Variants in FHIT observed in about 807,000 individuals in gnomAD.
FHIT encodes bis(5'-adenosyl)-triphosphatase.
FHIT carries 19 observed loss-of-function variants against 17.9 expected under a neutral mutation model. That is an observed-to-expected ratio of 1.06 (90% CI 0.74 to 1.56). The LOEUF (loss-of-function observed/expected upper bound fraction) is 1.56, where lower values mean the gene tolerates loss of function less well. Among genes scored for constraint, FHIT ranks in the 40% most tolerant of loss-of-function variants. The pLI is 0.00. For missense variants in FHIT, 248 were observed against 189.2 expected (o/e 1.31, Z -1.82); for synonymous variants, 81 against 69.7 (o/e 1.16, Z -0.81).
chr3:60,556,711 G>T (rs1462230259), intron 4 of FHIT, among the ~76,000 whole-genome samples: 1 of 152,214 alleles, frequency 6.6e-6, no homozygotes, highest in African/African-American at 2.4e-5. Context: ...TTTTGGAATA[G>T]CAACACCCTG....
At position 60,261,853 on chromosome 3, in the gene FHIT, T is replaced by C. The variant is rs1381470718; in HGVS notation, c.104-247701A>G. ...ACTCCCATTTCAGAGGTTCTCTCAC[T>C]GTACCTGGAGAAAAGGAACATCTCT... is the stretch of plus-strand genomic sequence containing the variant. On this transcript the variant is annotated intron_variant, in intron 5 of 9. Coordinates refer to ENST00000492590, the MANE Select transcript of FHIT (RefSeq NM_002012.4). 2.6e-5 allele frequency among the ~76,000 whole-genome samples: 4 copies of C among 151,978 alleles called. No homozygotes were observed. The East Asian group carries it at 7.7e-4, about 29-fold the overall frequency.
At chr3:60,975,327 T>C (rs1409706009) in intron 3 of FHIT, among the ~76,000 whole-genome samples, 1 of 152,162 alleles carries the variant, frequency 6.6e-6, no homozygotes, top group African/African-American at 2.4e-5. Context: ...TCATGGTAAC[T>C]GAAAAGCCAT....
chr3:60,034,203 T>C (rs781026806), intron 5 of FHIT, among the ~76,000 whole-genome samples: 173 of 152,346 alleles, frequency 1.1e-3, no homozygotes, highest in Admixed American at 4.4e-3. Context: ...TCAAGGTGAA[T>C]GGCTTTGCTA....
At chr3:60,153,005 T>C (rs1458628023) in intron 5 of FHIT, among the ~76,000 whole-genome samples, 2 of 152,204 alleles carry the variant, frequency 1.3e-5, no homozygotes, top group Non-Finnish European at 2.9e-5. Flanking sequence ...GGGCTGCTGC[T>C]TAACCAAGAG....
chr3:59,895,363 G>A (rs1179034057), intron 8 of FHIT, among the ~76,000 whole-genome samples: 1 of 152,194 alleles, frequency 6.6e-6, no homozygotes, highest in Non-Finnish European at 1.5e-5. Context: ...TTTTTGTGGA[G>A]TGAATGCACT....
rs73836108 is a variant in FHIT, at chr3:60,750,079, G to C, written c.-18+71840C>G. ...GTAGACAACAGAGATGGGATCAAAGGCATGTTGCCTCACTCAGGGACCATC... is the reference window on the plus strand; with the variant it reads ...GTAGACAACAGAGATGGGATCAAAGCCATGTTGCCTCACTCAGGGACCATC... On this transcript the variant is annotated intron_variant, in intron 4 of 9. Transcript: ENST00000492590. 1.7e-3 allele frequency among the ~76,000 whole-genome samples: 257 copies of C among 152,194 alleles called. 2 individuals are homozygous for C. The highest frequency in any genetic ancestry group is 5.8e-3 in the African/African-American group (239 of 41,538).
intron 4 of FHIT, among the ~76,000 whole-genome samples, chr3:60,777,734 C>G (rs1217920514): frequency 6.6e-6 from 1 of 152,072 alleles, no homozygotes; most frequent in Non-Finnish European, 1.5e-5. Flanking sequence ...CCTTGTTATG[C>G]CACAGTCAGA....
intron 5 of FHIT, among the ~76,000 whole-genome samples, chr3:60,212,875 C>A (rs17395576): frequency 0.08 from 12,237 of 152,134 alleles, 652 homozygotes; most frequent in South Asian, 0.14. Context: ...ACCAGCAAAT[C>A]CGGGTTTGTT....
chr3:60,072,395 A>G (rs1253579085), intron 5 of FHIT, among the ~76,000 whole-genome samples: 1 of 152,142 alleles, frequency 6.6e-6, no homozygotes, highest in African/African-American at 2.4e-5. Flanking sequence ...GGCCCATACC[A>G]TATCAACAAC....
Position 59,784,739 on chromosome 3 carries a change from A to T in FHIT, c.349-32418T>A, listed in dbSNP as rs190344460. On this transcript the variant is annotated intron_variant, in intron 8 of 9. Coordinates refer to ENST00000492590, the MANE Select transcript of FHIT (RefSeq NM_002012.4). ...CTTCCTGCACCAAGGCTTATTGATC[A>T]ACCTTCTTGTGTTAGAAAAGAACAA... 2.0e-5 allele frequency among the ~76,000 whole-genome samples: 3 copies of T among 152,316 alleles called. No individual in the cohort carries two copies. The East Asian group carries it at 5.8e-4, about 29-fold the overall frequency.
At chr3:60,065,319 T>C (rs949173507) in intron 5 of FHIT, among the ~76,000 whole-genome samples, 1 of 152,158 alleles carries the variant, frequency 6.6e-6, no homozygotes, top group African/African-American at 2.4e-5. Context: ...CTGGCCATGA[T>C]CTAACTGTCA....
chr3:60,376,033 G>T (rs1046640995), intron 5 of FHIT, among the ~76,000 whole-genome samples: 6 of 152,192 alleles, frequency 3.9e-5, no homozygotes, highest in African/African-American at 1.4e-4. Context: ...TTTCCATGCA[G>T]AAGCAGAAGA....
chr3:60,556,478 T>G (rs1576871765), intron 4 of FHIT, among the ~76,000 whole-genome samples: 1 of 152,218 alleles, frequency 6.6e-6, no homozygotes, highest in Non-Finnish European at 1.5e-5. Flanking sequence ...GAGCATTGGT[T>G]GAATACTTCT....
chr3:59,875,605 A>G (rs1014557595), intron 8 of FHIT, among the ~76,000 whole-genome samples: 7 of 152,182 alleles, frequency 4.6e-5, no homozygotes, highest in Non-Finnish European at 1.0e-4. Flanking sequence ...TTTGCTTACA[A>G]GTTTTTTTTT....
At chr3:60,416,241 T>G (rs1702244772) in intron 5 of FHIT, among the ~76,000 whole-genome samples, 1 of 152,020 alleles carries the variant, frequency 6.6e-6, no homozygotes, top group Non-Finnish European at 1.5e-5. Context: ...AAAATATTGG[T>G]GAAGAAGAGG....
intron 8 of FHIT, among the ~76,000 whole-genome samples, chr3:59,856,681 A>G (rs1026739566): frequency 1.3e-5 from 2 of 152,230 alleles, no homozygotes; most frequent in Non-Finnish European, 2.9e-5. Flanking sequence ...TGTATAATGT[A>G]GCAATGTTAT....
At chr3:60,520,691 A>G (rs2035324311) in intron 5 of FHIT, among the ~76,000 whole-genome samples, 1 of 152,140 alleles carries the variant, frequency 6.6e-6, no homozygotes, top group South Asian at 2.1e-4. Flanking sequence ...GGACACTAAC[A>G]TGGTGTTAGA....
rs904833554 is a variant in FHIT at position 60,623,098 on chromosome 3, C to G, written c.-17-86119G>C. Among the ~76,000 whole-genome samples, 8 of 152,216 alleles carry G rather than the reference C, an allele frequency of 5.3e-5. No homozygotes were observed. In the East Asian group the frequency reaches 1.5e-3, roughly 29 times the overall value. On this transcript the variant is annotated intron_variant, in intron 4 of 9. Transcript: ENST00000492590. ...CCTGTCTTGTTCAAGACCATACCTA[C>G]AGTGCCTAGTGCGGGACCTGGCACA...
At chr3:59,765,081 C>G (rs1211876770) in intron 8 of FHIT, among the ~76,000 whole-genome samples, 1 of 152,152 alleles carries the variant, frequency 6.6e-6, no homozygotes, top group Non-Finnish European at 1.5e-5. Flanking sequence ...GGAGAAACAG[C>G]CATGGCTGAG....
Sources: allele counts gnomAD v4.1 joint callset (sites outside exome capture counted in the v4.1 genomes callset), GRCh38; gene constraint gnomAD v4.1.1; transcripts MANE v1.5; gene names NCBI Gene and HGNC (gene_info 2026-07-23, HGNC 2026-07-21).